ACSBG2: variants seen among roughly 807,000 people sequenced by gnomAD.
The protein encoded by ACSBG2 is acyl-CoA synthetase bubblegum family member 2, also known as long-chain-fatty-acid--CoA ligase ACSBG2.
A neutral mutation model predicts 74.7 loss-of-function variants in ACSBG2; 62 were observed. That is an observed-to-expected ratio of 0.83 (90% confidence interval 0.68 to 1.03). The LOEUF (loss-of-function observed/expected upper bound fraction) is 1.03, where lower values mean the gene tolerates loss of function less well. Among genes scored for constraint, ACSBG2 ranks in the 50% least tolerant of loss-of-function variants. The probability of loss-of-function intolerance (pLI) is 0.00; values close to 1 mark genes in which losing one functional copy is unlikely to be tolerated. For synonymous variants in ACSBG2, 309 were observed against 294.1 expected (o/e 1.05, Z -0.52); for missense variants, 730 against 817.6 (o/e 0.89, Z 1.31).
At chr19:6,177,873 AGAGTGTGT>A (rs949382973) in intron 8 of ACSBG2, among the ~76,000 whole-genome samples, 1 of 116,608 alleles carries the variant, frequency 8.6e-6, no homozygotes, top group African/African-American at 3.4e-5. Flanking sequence ...CTGAAAGTAA[AGAGTGTGT>A]GTGTGTGTGT....
At chr19:6,143,252 AACAGCAGAAAT>A (rs2088911822) in intron 2 of ACSBG2, among the ~76,000 whole-genome samples, 1 of 152,140 alleles carries the variant, frequency 6.6e-6, no homozygotes, top group East Asian at 1.9e-4. Context: ...GGGTGTCTGA[AACAGCAGAAAT>A]GTATTGTCTC....
intron 13 of ACSBG2, chr19:6,190,261 A>G (rs2090525962): frequency 4.0e-6 from 1 of 247,640 alleles, no homozygotes; most frequent in Non-Finnish European, 8.2e-6. Context: ...TCTATGCCCC[A>G]GTTTCCTCAC....
intron 11 of ACSBG2, among the ~76,000 whole-genome samples, chr19:6,186,047 C>T (rs2090395725): frequency 1.4e-5 from 2 of 138,300 alleles, no homozygotes; most frequent in Non-Finnish European, 3.1e-5. Context: ...TATATTGAGC[C>T]AACAGTTTTA....
In ACSBG2 at chr19:6,142,475, G is replaced by A. The variant is rs535701452; in HGVS notation, c.67+865G>A. 1.4e-4 allele frequency among the ~76,000 whole-genome samples: 22 copies of A among 152,064 alleles called. No homozygotes were observed. In the South Asian group the frequency reaches 3.3e-3, roughly 23 times the overall value. On this transcript the variant is annotated intron_variant, in intron 2 of 14. Coordinates refer to ENST00000588485, the MANE Select transcript of ACSBG2 (RefSeq NM_030924.5). The stretch of plus-strand genomic sequence containing the variant: ...AGTCAGAAAATAGTGAAAGTGGGCC[G>A]GGTGCGGTGGCTCACACCCGTAATC...
chr19:6,151,198 A>T (rs911831228), intron 3 of ACSBG2, among the ~76,000 whole-genome samples: 1 of 152,108 alleles, frequency 6.6e-6, no homozygotes, highest in African/African-American at 2.4e-5. Context: ...AAATAAAAAT[A>T]ATAAATGGTG....
At position 6,189,527 on chromosome 19, in the gene ACSBG2, G is replaced by GT. The variant is rs111858148; in HGVS notation, c.1928-1047dup. 4.1e-3 allele frequency among the ~76,000 whole-genome samples: 612 copies of GT among 148,074 alleles called. 2 individuals are homozygous for GT. The highest frequency in any genetic ancestry group is 7.0e-3 in the Middle Eastern group (2 of 284). ...GAAGTGACTTGTCCCACTGAGTCTT[G>GT]TTTTTTTTTTGTTTGTTTTGAGACA... On this transcript the variant is annotated intron_variant, in intron 13 of 14. Transcript: ENST00000588485.
intron 13 of ACSBG2, 81 bp from the exon 14 acceptor site, chr19:6,190,503 G>A: frequency 8.1e-7 from 1 of 1,229,974 alleles, no homozygotes; most frequent in Non-Finnish European, 1.2e-6. Context: ...CCAGGCATGG[G>A]ACTCTGTTGC....
intron 3 of ACSBG2, among the ~76,000 whole-genome samples, chr19:6,149,786 GTGTGAGC>G (rs2089169357): frequency 4.2e-5 from 6 of 144,430 alleles, no homozygotes; most frequent in African/African-American, 1.7e-4. Flanking sequence ...GGGATTACAG[GTGTGAGC>G]CACCACACCT....
intron 5 of ACSBG2, among the ~76,000 whole-genome samples, chr19:6,158,481 T>C (rs9304930): frequency 0.11 from 17,214 of 150,488 alleles, 1,985 homozygotes; most frequent in African/African-American, 0.3. Flanking sequence ...GTATGGCTAT[T>C]GTCGAAACTT....
rs138248184 is a variant in ACSBG2 at position 6,147,532 on chromosome 19, A to T, written c.154A>T (p.Thr52Ser). ...KHGPGHETPM[T>S]IPEFFRESVN... ...CGGACCAGGCCATGAGACCCCGATGACCATCCCTGAATTTTTTCGAGAGTC... is the reference window on the plus strand; with the variant it reads ...CGGACCAGGCCATGAGACCCCGATGTCCATCCCTGAATTTTTTCGAGAGTC... Residue 52 changes from threonine to serine, a missense_variant, in exon 3 of 15, where the codon ACC becomes TCC. Physicochemically the swap from Thr to Ser is moderately conservative, Grantham distance 58 (BLOSUM62 1). Coordinates refer to ENST00000588485, the MANE Select transcript of ACSBG2 (RefSeq NM_030924.5). 2 of 1,614,182 alleles carry T rather than the reference A, an allele frequency of 1.2e-6. No individual in the cohort carries two copies. Among genetic ancestry groups the T allele is most frequent in the Non-Finnish European group, 1.7e-6 (2 of 1,180,028 alleles).
At position 6,189,715 on chromosome 19, in the gene ACSBG2, C is replaced by CT. The variant is rs879270684; in HGVS notation, c.1928-857dup. 4.4e-3 allele frequency: 605 copies of CT among 138,296 alleles called. 6 individuals are homozygous for CT. Among genetic ancestry groups the CT allele is most frequent in the East Asian group, 0.018 (91 of 5,000 alleles). The allele number at this position is 138,296 out of a possible 1,614,324, so 8.6% of individuals were successfully genotyped here. The stretch of plus-strand genomic sequence containing the variant: ...GGCTATTTTCTTTCTTTCTTTCTTT[C>CT]TTTTTTTTTTTTGAGACGGAGTTTT... On this transcript the variant is annotated intron_variant, in intron 13 of 14. Transcript: ENST00000588485.
rs1568243728 is a variant in ACSBG2 at position 6,174,462 on chromosome 19, A to G, written c.739-2767A>G. Among the ~76,000 whole-genome samples the G allele has an allele frequency of 6.6e-6, 1 of 152,188 alleles. No homozygotes were observed. Among genetic ancestry groups the G allele is most frequent in the Non-Finnish European group, 1.5e-5 (1 of 68,030 alleles). On this transcript the variant is annotated intron_variant, in intron 7 of 14. Transcript: ENST00000588485. The surrounding 1 kb of genome is among the most constrained non-coding windows in gnomAD (Gnocchi z 4.2). Reference sequence around the variant, plus strand: ...CTGTTTAATCTACCACATATACATAAAATGCTTAGAACAATGCCTGGCATA... The same window carrying G: ...CTGTTTAATCTACCACATATACATAGAATGCTTAGAACAATGCCTGGCATA...
At chr19:6,190,812 TACACACACACACACACACAC>T (rs58730661) in intron 14 of ACSBG2, 120 bp downstream of exon 14, 10 of 336,718 alleles carry the variant, frequency 3.0e-5, no homozygotes, top group African/African-American at 1.1e-4. Context: ...CACACATACA[TACACACACACACACACACAC>T]ACACACACAC....
At chr19:6,161,327 G>T (rs998855041) in intron 6 of ACSBG2, 32 bp downstream of exon 6, 1 of 1,597,788 alleles carries the variant, frequency 6.3e-7, no homozygotes, top group Non-Finnish European at 8.6e-7. Context: ...TGGGGAAAGG[G>T]GAGGGCGGGG....
chr19:6,136,729 G>A (rs748415976), intron 1 of ACSBG2, among the ~76,000 whole-genome samples: 71 of 152,150 alleles, frequency 4.7e-4, no homozygotes, highest in Non-Finnish European at 9.1e-4. Flanking sequence ...ATATCTGTAC[G>A]ATTTAATGAA....
chr19:6,151,317 T>A (rs2089231945), intron 3 of ACSBG2, among the ~76,000 whole-genome samples: 1 of 152,088 alleles, frequency 6.6e-6, no homozygotes, highest in Non-Finnish European at 1.5e-5. Flanking sequence ...GCTACTTTTG[T>A]TTTGTTTTGA....
intron 5 of ACSBG2, among the ~76,000 whole-genome samples, chr19:6,160,186 C>G: frequency 6.6e-6 from 1 of 151,700 alleles, no homozygotes; most frequent in Non-Finnish European, 1.5e-5. Flanking sequence ...GTCAGGAGAT[C>G]GAGACCATCC....
intron 14 of ACSBG2, 99 bp from the exon 15 acceptor site, chr19:6,192,569 G>T (rs78046645): frequency 6.6e-6 from 1 of 152,120 alleles, no homozygotes; most frequent in Non-Finnish European, 1.5e-5. Flanking sequence ...CGATTCACTC[G>T]GGAATATTTT....
intron 13 of ACSBG2, among the ~76,000 whole-genome samples, chr19:6,189,061 T>C (rs78252113): frequency 0.14 from 20,632 of 152,086 alleles, 3,103 homozygotes; most frequent in African/African-American, 0.38. Flanking sequence ...AGGAAGGGGT[T>C]AGAGAGCAAA....
Sources: gnomAD v4.1 joint callset for allele counts (sites outside exome capture counted in the v4.1 genomes callset) on GRCh38, gnomAD v4.1.1 for gene constraint, Gnocchi (gnomAD v3.1) non-coding constraint, MANE v1.5 for transcripts, NCBI Gene and HGNC (gene_info 2026-07-23, HGNC 2026-07-21) for gene names.